Variants in GRM2 observed in about 807,000 individuals in gnomAD.
The protein encoded by GRM2 is metabotropic glutamate receptor 2.
GRM2 carries 35 observed loss-of-function variants against 60.4 expected under a neutral mutation model. The observed-to-expected ratio is 0.58, with a 90% CI of 0.44 to 0.77. The LOEUF (loss-of-function observed/expected upper bound fraction) is 0.77, where lower values mean the gene tolerates loss of function less well. Among genes scored for constraint, GRM2 ranks in the 30% least tolerant of loss-of-function variants. GRM2 has a pLI of 0.00. For missense variants in GRM2, 925 were observed against 1,199.5 expected, an observed-to-expected ratio of 0.77 and a Z score of 3.38; for synonymous variants, 437 against 484.1, an observed-to-expected ratio of 0.90 and a Z score of 1.28.
Position 51,715,904 on chromosome 3 carries a change from C to T in GRM2, c.2131C>T (p.Pro711Ser). The T allele has an allele frequency of 6.2e-7, 1 of 1,613,590 alleles. No homozygotes were observed. The highest frequency in any genetic ancestry group is 8.5e-7 in the Non-Finnish European group (1 of 1,179,904). Residue 711 changes from proline to serine, a missense_variant, in exon 4 of 6, where the codon CCC (proline) becomes TCC (serine). Coordinates refer to ENST00000395052, the MANE Select transcript of GRM2 (RefSeq NM_000839.5). The surrounding 1 kb of genome is among the most constrained non-coding windows in gnomAD (Gnocchi z 9.0). ...EAPGTGKETA[P>S]ERREVVTLRC... ...ACCGGGCACAGGCAAGGAGACAGCC[C>T]CCGAACGGCGGGAGGTGGTGACACT... is the stretch of plus-strand genomic sequence containing the variant.
Position 51,716,380 on chromosome 3 carries a change from A to G in GRM2, c.2364+243A>G, listed in dbSNP as rs1300885100. On this transcript the variant is annotated intron_variant, in intron 4 of 5. Coordinates refer to ENST00000395052, the MANE Select transcript of GRM2 (RefSeq NM_000839.5). The surrounding 1 kb of genome is among the most constrained non-coding windows in gnomAD (Gnocchi z 4.0). The stretch of plus-strand genomic sequence containing the variant: ...TTTCAGGACTTGAATGTCATCCCCT[A>G]TCCTGGAAGGTGATGGGGGTGCAGA... Among the ~76,000 whole-genome samples, 9 of 152,108 alleles carry G rather than the reference A, an allele frequency of 5.9e-5. No homozygotes were observed. The highest frequency in any genetic ancestry group is 2.9e-5 in the Non-Finnish European group (2 of 68,008).
At position 51,707,753 on chromosome 3, in the gene GRM2, A is replaced by G. The variant is rs534071420; in HGVS notation, c.-137+586A>G. 4.6e-5 allele frequency: 7 copies of G among 152,552 alleles called. No individual in the cohort carries two copies. The East Asian group carries it at 1.3e-3, about 29-fold the overall frequency. The allele number at this position is 152,552 out of a possible 1,614,324, so 9.4% of individuals were successfully genotyped here. On this transcript the variant is annotated intron_variant, in intron 1 of 5. Transcript: ENST00000395052. The stretch of plus-strand genomic sequence containing the variant: ...GAGGCTCAGCCTCCGTGGCCAGCAC[A>G]TGGGGTCCTTGAGTTAGTTGCTGCC...
Position 51,715,168 on chromosome 3 carries a change from C to T in GRM2, c.1395C>T (p.Arg465=). The change falls in exon 4 of 6, where the codon CGC becomes CGT. Residue 465 remains arginine, a synonymous_variant. Coordinates refer to ENST00000395052, the MANE Select transcript of GRM2 (RefSeq NM_000839.5). This position sits in a 1 kb window ranked among gnomAD's most constrained non-coding sequence, Gnocchi z 9.0. ...IFTYLRAGSG[R]YRYQKVGYWA... ...CCTATCTGCGTGCAGGCAGTGGGCG[C>T]TATCGCTACCAGAAGGTGGGCTACT... 1.2e-6 allele frequency: 2 copies of T among 1,614,014 alleles called. No individual in the cohort carries two copies. The highest frequency in any genetic ancestry group is 2.2e-5 in the South Asian group (2 of 91,070).
rs1220916692 is a variant in GRM2, at chr3:51,718,077, C to T, written c.2584C>T (p.Arg862Cys). The change falls in exon 6 of 6, where the codon CGT becomes TGT. Residue 862 changes from arginine (R) to cysteine (C), a missense_variant. Arg to Cys is a radical substitution (Grantham distance 180, BLOSUM62 -3). Coordinates refer to ENST00000395052, the MANE Select transcript of GRM2 (RefSeq NM_000839.5). The surrounding 1 kb of genome is among the most constrained non-coding windows in gnomAD (Gnocchi z 4.2). ...SQFVPTVCNG[R>C]EVVDSTTSSL ...GTTTGTCCCCACTGTTTGCAATGGC[C>T]GTGAGGTGGTGGACTCGACAACGTC... The T allele has an allele frequency of 9.3e-6, 15 of 1,613,994 alleles. No individual in the cohort carries two copies. The highest frequency in any genetic ancestry group is 3.3e-5 in the South Asian group (3 of 91,078).
Position 51,717,807 on chromosome 3 carries a change from C to T in GRM2, c.2535C>T (p.Ser845=), listed in dbSNP as rs1183313627. The change falls in exon 5 of 6, where the codon AGC becomes AGT. Residue 845 remains serine, a synonymous_variant. Transcript: ENST00000395052. The surrounding 1 kb of genome is among the most constrained non-coding windows in gnomAD (Gnocchi z 6.0). ...GTGCTGCTGCCAGGGCCAGCTCCAGCCTTGGCCAAGGTCAGTGTCCTAAGC... is the reference window on the plus strand; with the variant it reads ...GTGCTGCTGCCAGGGCCAGCTCCAGTCTTGGCCAAGGTCAGTGTCCTAAGC... ...FGSAAARASS[S]LGQGSGSQFV... 2 of 1,613,728 alleles carry T rather than the reference C, an allele frequency of 1.2e-6. No individual in the cohort carries two copies. Among genetic ancestry groups the T allele is most frequent in the Admixed American group, 1.7e-5 (1 of 60,026 alleles).
chr3:51,715,074 C>T lies in GRM2; in HGVS notation c.1301C>T (p.Pro434Leu). ...LNVKFDAPFR[P>L]ADTHNEVRFD... is the part of the protein sequence containing the mutation. ...TCCCCCATCCTAGCCCCCTTTCGCC[C>T]AGCTGACACCCACAATGAGGTCCGC... The change falls in exon 4 of 6, where the codon CCA becomes CTA. Residue 434 changes from proline (P) to leucine (L), a missense_variant. Coordinates refer to ENST00000395052, the MANE Select transcript of GRM2 (RefSeq NM_000839.5). This position sits in a 1 kb window ranked among gnomAD's most constrained non-coding sequence, Gnocchi z 9.0. 1 of 1,550,874 alleles carries T rather than the reference C, an allele frequency of 6.4e-7. No individual in the cohort carries two copies. The highest frequency in any genetic ancestry group is 8.7e-7 in the Non-Finnish European group (1 of 1,144,284).
chr3:51,717,451 TG>T lies in GRM2; in HGVS notation c.2365-184del, dbSNP rs1490354087. Among the ~76,000 whole-genome samples the T allele has an allele frequency of 6.6e-6, 1 of 151,976 alleles. No individual in the cohort carries two copies. The highest frequency in any genetic ancestry group is 1.5e-5 in the Non-Finnish European group (1 of 67,992). The stretch of plus-strand genomic sequence containing the variant: ...TGGAACTCTTGTCACCCTGGGAAAA[TG>T]GTCTGGGTCTGATGCTGGGACTGTG... On this transcript the variant is annotated intron_variant, in intron 4 of 5. Transcript: ENST00000395052. The surrounding 1 kb of genome is among the most constrained non-coding windows in gnomAD (Gnocchi z 6.0).
Position 51,713,086 on chromosome 3 carries a change from G to A in GRM2, c.1064G>A (p.Cys355Tyr), listed in dbSNP as rs1703775806. ...FREFWEQRFR[C>Y]SFRQRDCAAH... ...GAATTCTGGGAGCAGAGGTTCCGCT[G>A]CAGCTTCCGGCAGCGAGACTGCGCA... is the stretch of plus-strand genomic sequence containing the variant. The change falls in exon 3 of 6, where the codon TGC becomes TAC. Residue 355 changes from cysteine to tyrosine, a missense_variant. Transcript: ENST00000395052. This position sits in a 1 kb window ranked among gnomAD's most constrained non-coding sequence, Gnocchi z 4.8. The A allele has an allele frequency of 6.2e-7, 1 of 1,613,148 alleles. No homozygotes were observed. The highest frequency in any genetic ancestry group is 1.3e-5 in the African/African-American group (1 of 75,070).
At position 51,718,384 on chromosome 3, in the gene GRM2, T is replaced by G. The variant is rs1052436081; in HGVS notation, c.*272T>G. On this transcript the variant is annotated 3_prime_UTR_variant, in exon 6 of 6. Coordinates refer to ENST00000395052, the MANE Select transcript of GRM2 (RefSeq NM_000839.5). This position sits in a 1 kb window ranked among gnomAD's most constrained non-coding sequence, Gnocchi z 4.2. Reference sequence around the variant, plus strand: ...GGCTCAGAGAGGAGCAAGCCAGGGTTCACTCTGCCCTGGACCCGGGTGGCT... The same window carrying G: ...GGCTCAGAGAGGAGCAAGCCAGGGTGCACTCTGCCCTGGACCCGGGTGGCT... The G allele has an allele frequency of 1.2e-5, 6 of 491,408 alleles. No individual in the cohort carries two copies. The highest frequency in any genetic ancestry group is 3.9e-5 in the African/African-American group (2 of 51,128). 30.4% of individuals were successfully genotyped at this position (491,408 alleles called of 1,614,324 possible). A position where few individuals can be genotyped will look rare whatever the true frequency, so the allele number is the denominator to read the frequency against.
rs374994003 is a variant in GRM2 at position 51,718,120 on chromosome 3, A to G, written c.*8A>G. 1.9e-6 allele frequency: 3 copies of G among 1,612,434 alleles called. No individual in the cohort carries two copies. Among genetic ancestry groups the G allele is most frequent in the East Asian group, 4.5e-5 (2 of 44,876 alleles). On this transcript the variant is annotated 3_prime_UTR_variant, in exon 6 of 6. Coordinates refer to ENST00000395052, the MANE Select transcript of GRM2 (RefSeq NM_000839.5). The surrounding 1 kb of genome is among the most constrained non-coding windows in gnomAD (Gnocchi z 4.2). Reference sequence around the variant, plus strand: ...ACAACGTCATCGCTTTGAAGACCCCATACTCCCGCCCTGACACAGCTGCTC... The same window carrying G: ...ACAACGTCATCGCTTTGAAGACCCCGTACTCCCGCCCTGACACAGCTGCTC...
At position 51,715,205 on chromosome 3, in the gene GRM2, T is replaced by C. The variant is rs756098275; in HGVS notation, c.1432T>C (p.Leu478=). The change falls in exon 4 of 6, where the codon TTG becomes CTG. Residue 478 remains leucine (L), a synonymous_variant. Transcript: ENST00000395052. The surrounding 1 kb of genome is among the most constrained non-coding windows in gnomAD (Gnocchi z 9.0). ...GAAGGTGGGCTACTGGGCAGAAGGC[T>C]TGACTCTGGACACCAGCCTCATCCC... The part of the protein sequence containing the change: ...YQKVGYWAEG[L]TLDTSLIPWA... 1 of 1,614,014 alleles carries C rather than the reference T, an allele frequency of 6.2e-7. No homozygotes were observed. The highest frequency in any genetic ancestry group is 1.7e-5 in the Admixed American group (1 of 59,998).
Position 51,712,952 on chromosome 3 carries a change from T to A in GRM2, c.930T>A (p.Ala310=). ...LESVVAGSEG[A]AEGAITIELA... Reference sequence around the variant, plus strand: ...GTGTGGTGGCAGGCAGTGAGGGGGCTGCTGAGGGTGCTATCACCATCGAGC... The same window carrying A: ...GTGTGGTGGCAGGCAGTGAGGGGGCAGCTGAGGGTGCTATCACCATCGAGC... The change falls in exon 3 of 6, where the codon GCT becomes GCA. Residue 310 remains alanine, a synonymous_variant. Transcript: ENST00000395052. This position sits in a 1 kb window ranked among gnomAD's most constrained non-coding sequence, Gnocchi z 5.3. 1 of 1,613,094 alleles carries A rather than the reference T, an allele frequency of 6.2e-7. No individual in the cohort carries two copies. Among genetic ancestry groups the A allele is most frequent in the Non-Finnish European group, 8.5e-7 (1 of 1,180,022 alleles).
In GRM2 at chr3:51,712,944, G is replaced by A; in HGVS notation, c.922G>A (p.Glu308Lys). The A allele has an allele frequency of 1.2e-6, 2 of 1,613,122 alleles. No individual in the cohort carries two copies. Residue 308 changes from glutamate to lysine, a missense_variant, in exon 3 of 6, where the codon GAG (glutamate) becomes AAG (lysine). Coordinates refer to ENST00000395052, the MANE Select transcript of GRM2 (RefSeq NM_000839.5). The surrounding 1 kb of genome is among the most constrained non-coding windows in gnomAD (Gnocchi z 5.3). ...GALESVVAGS[E>K]GAAEGAITIE... ...CCTGGAGAGTGTGGTGGCAGGCAGT[G>A]AGGGGGCTGCTGAGGGTGCTATCAC...
At chr3:51,711,539 C>T (rs184864402) in intron 2 of GRM2, 6 of 152,608 alleles carry the variant, frequency 3.9e-5, no homozygotes, top group Admixed American at 3.3e-4. Flanking sequence ...GTAGGCTGCA[C>T]CTGCCTGTTA....
Position 51,718,222 on chromosome 3 carries a change from C to T in GRM2, c.*110C>T. The T allele has an allele frequency of 1.1e-6, 1 of 891,356 alleles. No individual in the cohort carries two copies. Among genetic ancestry groups the T allele is most frequent in the Non-Finnish European group, 1.9e-6 (1 of 526,214 alleles). The allele number at this position is 891,356 out of a possible 1,614,324, so 55.2% of individuals were successfully genotyped here. A position where few individuals can be genotyped will look rare whatever the true frequency, so the allele number is the denominator to read the frequency against. On this transcript the variant is annotated 3_prime_UTR_variant, in exon 6 of 6. Transcript: ENST00000395052. This position sits in a 1 kb window ranked among gnomAD's most constrained non-coding sequence, Gnocchi z 4.2. ...GCACTGCAATAATTTATTACCCACC[C>T]TATGTCTGCCCCCAAAGTCACTTAC... is the stretch of plus-strand genomic sequence containing the variant.
Position 51,715,466 on chromosome 3 carries a change from G to T in GRM2, c.1693G>T (p.Asp565Tyr). 1.2e-6 allele frequency: 2 copies of T among 1,612,604 alleles called. No homozygotes were observed. The highest frequency in any genetic ancestry group is 1.7e-6 in the Non-Finnish European group (2 of 1,179,858). The change falls in exon 4 of 6, where the codon GAT becomes TAT. Residue 565 changes from aspartate (D) to tyrosine (Y), a missense_variant. By Grantham distance (160) the Asp-to-Tyr change is radical. Coordinates refer to ENST00000395052, the MANE Select transcript of GRM2 (RefSeq NM_000839.5). This position sits in a 1 kb window ranked among gnomAD's most constrained non-coding sequence, Gnocchi z 9.0. ...GCCCCAGGAGTACATCCGCTGGGGC[G>T]ATGCCTGGGCTGTGGGACCTGTCAC... ...ELPQEYIRWGDAWAVGPVTIA... is the reference protein window; with the variant it reads ...ELPQEYIRWGYAWAVGPVTIA...
At chr3:51,714,304 G>C (rs1172768880) in intron 3 of GRM2, 1 of 178,572 alleles carries the variant, frequency 5.6e-6, no homozygotes, top group African/African-American at 2.4e-5. Flanking sequence ...AGAAAGAGTA[G>C]GTGCTTGAGG....
chr3:51,712,735 C>A lies in GRM2; in HGVS notation c.713C>A (p.Ser238Ter). Residue 238 changes from serine to a stop codon, truncating the protein, a stop_gained, in exon 3 of 6, where the codon TCG becomes TAG. Transcript: ENST00000395052. LOFTEE classifies it high-confidence loss of function. This position sits in a 1 kb window ranked among gnomAD's most constrained non-coding sequence, Gnocchi z 5.3. Reference protein sequence around the residue: ...ARARNICVATSEKVGRAMSRA... With the variant: ...ARARNICVAT ...GCCCGCAACATCTGTGTGGCCACCTCGGAGAAAGTGGGCCGTGCCATGAGC... is the reference window on the plus strand; with the variant it reads ...GCCCGCAACATCTGTGTGGCCACCTAGGAGAAAGTGGGCCGTGCCATGAGC... 6.2e-7 allele frequency: 1 copy of A among 1,613,560 alleles called. No individual in the cohort carries two copies. The highest frequency in any genetic ancestry group is 8.5e-7 in the Non-Finnish European group (1 of 1,180,026).
At position 51,718,012 on chromosome 3, in the gene GRM2, C is replaced by T. The variant is rs1211999944; in HGVS notation, c.2546-27C>T. 1.9e-6 allele frequency: 3 copies of T among 1,609,034 alleles called. No individual in the cohort carries two copies. Among genetic ancestry groups the T allele is most frequent in the Non-Finnish European group, 2.6e-6 (3 of 1,175,404 alleles). Reference sequence around the variant, plus strand: ...CCTCCATGGAGGACCTCGGGATTGGCCCCAACCTCTGGCTTCCTTTTCTTA... The same window carrying T: ...CCTCCATGGAGGACCTCGGGATTGGTCCCAACCTCTGGCTTCCTTTTCTTA... On this transcript the variant is annotated intron_variant, in intron 5 of 5. Transcript: ENST00000395052. This position sits in a 1 kb window ranked among gnomAD's most constrained non-coding sequence, Gnocchi z 4.2.
Sources: allele counts gnomAD v4.1 joint callset (sites outside exome capture counted in the v4.1 genomes callset), GRCh38; gene constraint gnomAD v4.1.1; non-coding constraint Gnocchi (gnomAD v3.1); transcripts MANE v1.5; gene names NCBI Gene and HGNC (gene_info 2026-07-23, HGNC 2026-07-21).